Variants in DNM3 observed in about 807,000 individuals in gnomAD.
DNM3 encodes dynamin-3.
Under a neutral mutation model 101.6 loss-of-function variants are expected in DNM3, and 47 were observed. That is an observed-to-expected ratio of 0.46 (90% CI 0.37 to 0.59). The LOEUF is 0.59. Among genes scored for constraint, DNM3 ranks in the 20% least tolerant of loss-of-function variants. The probability of loss-of-function intolerance (pLI) is 0.00; values close to 1 mark genes in which losing one functional copy is unlikely to be tolerated. For synonymous variants in DNM3, 385 were observed against 387.9 expected, an observed-to-expected ratio of 0.99 and a Z score of 0.09; for missense variants, 849 against 1,085.7, an observed-to-expected ratio of 0.78 and a Z score of 3.06.
At chr1:172,142,494 A>C (rs556333419) in intron 14 of DNM3, among the ~76,000 whole-genome samples, 1 of 152,100 alleles carries the variant, frequency 6.6e-6, no homozygotes, top group Non-Finnish European at 1.5e-5. Context: ...AAGCATGTGC[A>C]GGAACTCCTT....
intron 15 of DNM3, 96 bp downstream of exon 15, chr1:172,253,778 C>T: frequency 1.4e-6 from 1 of 714,888 alleles, no homozygotes. Flanking sequence ...TTGGTCACAC[C>T]TTGAAATTTG....
At chr1:172,012,536 A>C (rs2047197985) in intron 4 of DNM3, among the ~76,000 whole-genome samples, 1 of 152,006 alleles carries the variant, frequency 6.6e-6, no homozygotes, top group African/African-American at 2.4e-5. Flanking sequence ...TTGTTTCTTC[A>C]TGTCTCAGTT....
chr1:172,343,349 G>A (rs931919841), intron 17 of DNM3, among the ~76,000 whole-genome samples: 1 of 151,644 alleles, frequency 6.6e-6, no homozygotes, highest in Middle Eastern at 3.4e-3. Context: ...AAAAAGAGAG[G>A]AACTGAAACT....
At position 172,213,709 on chromosome 1, in the gene DNM3, AT is replaced by A. The variant is rs1428336172; in HGVS notation, c.1660-39863del. ...CGAGGCATGGTGGCAGGTGGCTGTAATCCCAGCTATCGGGAGGCTGAGGCAG... is the reference window on the plus strand; with the variant it reads ...CGAGGCATGGTGGCAGGTGGCTGTAACCCAGCTATCGGGAGGCTGAGGCAG... On this transcript the variant is annotated intron_variant, in intron 14 of 20. Coordinates refer to ENST00000627582, the MANE Select transcript of DNM3 (RefSeq NM_015569.5). 2.0e-5 allele frequency among the ~76,000 whole-genome samples: 3 copies of A among 151,668 alleles called. 1 individual carries two copies. The highest frequency in any genetic ancestry group is 6.8e-3 in the Middle Eastern group (2 of 294).
At chr1:172,166,762 T>G (rs2058759892) in intron 14 of DNM3, among the ~76,000 whole-genome samples, 1 of 151,988 alleles carries the variant, frequency 6.6e-6, no homozygotes, top group Non-Finnish European at 1.5e-5. Flanking sequence ...TGCTAAAAAA[T>G]AGAACTTACT....
At chr1:172,302,716 C>T (rs553854568) in intron 15 of DNM3, among the ~76,000 whole-genome samples, 13 of 152,174 alleles carry the variant, frequency 8.5e-5, no homozygotes, top group African/African-American at 1.7e-4. Flanking sequence ...CAGCCTCCGC[C>T]GGGTGATACC....
intron 13 of DNM3, among the ~76,000 whole-genome samples, chr1:172,115,315 T>A (rs1002890440): frequency 6.6e-6 from 1 of 152,170 alleles, no homozygotes; most frequent in African/African-American, 2.4e-5. Flanking sequence ...CTTCTCTCTC[T>A]GCCCATTACC....
intron 15 of DNM3, chr1:172,289,583 T>C (rs2063825414): frequency 2.1e-6 from 2 of 956,214 alleles, no homozygotes; most frequent in South Asian, 9.7e-5. Context: ...TTCTTGACTT[T>C]ATAAAATATT....
chr1:172,026,665 T>A (rs1169431067), intron 4 of DNM3, among the ~76,000 whole-genome samples: 1 of 151,760 alleles, frequency 6.6e-6, no homozygotes, highest in Admixed American at 6.6e-5. Context: ...CATGCTTTTT[T>A]TTTTTTTGAG....
intron 9 of DNM3, among the ~76,000 whole-genome samples, chr1:172,046,901 G>A (rs2049854594): frequency 6.6e-6 from 1 of 152,116 alleles, no homozygotes; most frequent in Non-Finnish European, 1.5e-5. Flanking sequence ...TACTTCACTT[G>A]TAAAACTCAT....
chr1:172,295,536 T>A (rs1462109612), intron 15 of DNM3, among the ~76,000 whole-genome samples: 1 of 152,190 alleles, frequency 6.6e-6, no homozygotes, highest in Non-Finnish European at 1.5e-5. Flanking sequence ...CTGAATTGTA[T>A]GTGTATATAT....
At chr1:172,081,343 A>G (rs1203764084) in intron 11 of DNM3, among the ~76,000 whole-genome samples, 2 of 152,180 alleles carry the variant, frequency 1.3e-5, no homozygotes, top group Non-Finnish European at 2.9e-5. Context: ...TGAAATGTGT[A>G]AAGTGTCTTG....
intron 12 of DNM3, among the ~76,000 whole-genome samples, chr1:172,087,905 C>G (rs557016476): frequency 1.3e-5 from 2 of 152,286 alleles, no homozygotes; most frequent in South Asian, 4.1e-4. Flanking sequence ...CCTTTCTACT[C>G]TACTCCCTAA....
intron 1 of DNM3, among the ~76,000 whole-genome samples, chr1:171,868,219 T>C (rs1016598271): frequency 3.3e-5 from 5 of 151,892 alleles, no homozygotes; most frequent in Admixed American, 1.3e-4. Context: ...CTTGAGTGAG[T>C]GTTATTTTCT....
At position 171,989,065 on chromosome 1, in the gene DNM3, G is replaced by A; in HGVS notation, c.506G>A (p.Cys169Tyr). 6.2e-7 allele frequency: 1 copy of A among 1,613,082 alleles called. No homozygotes were observed. The highest frequency in any genetic ancestry group is 8.5e-7 in the Non-Finnish European group (1 of 1,179,466). The change falls in exon 4 of 21, where the codon TGT becomes TAT. Residue 169 changes from cysteine to tyrosine, a missense_variant. This residue lies in a region of DNM3 where 388 missense variants were observed against 483.0 expected (regional missense o/e 0.80). Coordinates refer to ENST00000627582, the MANE Select transcript of DNM3 (RefSeq NM_015569.5). ...ATGCAGTTCATCACGAGGGAGAACT[G>A]TCTGATTTTAGCTGTTACTCCAGCC... is the stretch of plus-strand genomic sequence containing the variant. ...MIMQFITRENCLILAVTPANT... is the reference protein window; with the variant it reads ...MIMQFITRENYLILAVTPANT...
intron 13 of DNM3, among the ~76,000 whole-genome samples, chr1:172,116,841 A>C (rs2055934830): frequency 6.6e-6 from 1 of 152,142 alleles, no homozygotes; most frequent in Admixed American, 6.5e-5. Flanking sequence ...TTTTCATGGA[A>C]TGTCTCTCTT....
chr1:172,280,997 C>G (rs2063469497), intron 15 of DNM3, among the ~76,000 whole-genome samples: 2 of 151,942 alleles, frequency 1.3e-5, no homozygotes, highest in African/African-American at 2.4e-5. Flanking sequence ...GTTCAAGGAA[C>G]AGCAAGTTTT....
At chr1:172,152,943 T>G (rs1325882178) in intron 14 of DNM3, among the ~76,000 whole-genome samples, 1 of 152,194 alleles carries the variant, frequency 6.6e-6, no homozygotes, top group East Asian at 1.9e-4. Flanking sequence ...GTGAAAACAC[T>G]AAAGCCAAGT....
intron 14 of DNM3, among the ~76,000 whole-genome samples, chr1:172,233,683 T>G (rs1024301370): frequency 1.3e-5 from 2 of 152,182 alleles, no homozygotes; most frequent in Non-Finnish European, 2.9e-5. Context: ...ATCAAAAAGC[T>G]TATCCACCAT....
Sources: allele counts gnomAD v4.1 joint callset (sites outside exome capture counted in the v4.1 genomes callset), GRCh38; gene constraint gnomAD v4.1.1; regional missense constraint gnomAD v4.1.1; transcripts MANE v1.5; gene names NCBI Gene and HGNC (gene_info 2026-07-23, HGNC 2026-07-21).